The following PCDH15 variants were observed in gnomAD, a reference collection of about 807,000 sequenced individuals.
PCDH15 encodes protocadherin-15.
PCDH15 carries 129 observed loss-of-function variants against 178.5 expected under a neutral mutation model. The ratio of observed to expected loss-of-function variants is 0.72; its 90% CI spans 0.63 to 0.84. The LOEUF is 0.84. Among genes scored for constraint, PCDH15 ranks in the 40% least tolerant of loss-of-function variants. PCDH15 has a pLI of 0.00. For synonymous variants in PCDH15, 800 were observed against 732.0 expected, an observed-to-expected ratio of 1.09 and a Z score of -1.50; for missense variants, 2,230 against 2,099.9, an observed-to-expected ratio of 1.06 and a Z score of -1.21.
At chr10:55,306,049 A>G (rs531538108) in intron 1 of PCDH15, among the ~76,000 whole-genome samples, 1 of 152,356 alleles carries the variant, frequency 6.6e-6, no homozygotes, top group East Asian at 1.9e-4. Flanking sequence ...TTTACCAATA[A>G]AATGGCAATC....
chr10:54,123,276 C>T (rs2041711027), intron 15 of PCDH15, among the ~76,000 whole-genome samples: 1 of 152,004 alleles, frequency 6.6e-6, no homozygotes, highest in South Asian at 2.1e-4. Context: ...ACGCATCCAA[C>T]AAATGTCTTA....
chr10:54,213,032 C>T (rs1252369080), intron 10 of PCDH15, among the ~76,000 whole-genome samples: 1 of 152,174 alleles, frequency 6.6e-6, no homozygotes, highest in Non-Finnish European at 1.5e-5. Flanking sequence ...CCCTACCTTA[C>T]TTCCTTTTCC....
intron 21 of PCDH15, among the ~76,000 whole-genome samples, chr10:53,991,560 A>G (rs997176230): frequency 2.7e-5 from 4 of 150,858 alleles, no homozygotes; most frequent in African/African-American, 9.8e-5. Flanking sequence ...TAGCTCATCT[A>G]GTGGGGACTT....
At chr10:55,561,351 T>C (rs1842194915) in intron 2 of PCDH15, among the ~76,000 whole-genome samples, 1 of 151,906 alleles carries the variant, frequency 6.6e-6, no homozygotes, top group Admixed American at 6.6e-5. Flanking sequence ...GTTTTTCTAC[T>C]ATCACAGCAA....
intron 13 of PCDH15, among the ~76,000 whole-genome samples, chr10:54,163,223 G>A (rs1310101714): frequency 1.3e-5 from 2 of 152,082 alleles, no homozygotes; most frequent in Non-Finnish European, 2.9e-5. Context: ...TAGAGGAAAT[G>A]TATCAGTCTA....
At chr10:54,928,170 A>G (rs1486228638) in intron 2 of PCDH15, among the ~76,000 whole-genome samples, 3 of 152,148 alleles carry the variant, frequency 2.0e-5, no homozygotes, top group East Asian at 1.9e-4. Context: ...GTTCAAAAAT[A>G]TCTTATTTCT....
intron 2 of PCDH15, among the ~76,000 whole-genome samples, chr10:54,957,042 A>C (rs1019254174): frequency 1.3e-5 from 2 of 151,764 alleles, no homozygotes; most frequent in Non-Finnish European, 1.5e-5. Context: ...CTGAGTTATA[A>C]GACTGCTATT....
intron 25 of PCDH15, among the ~76,000 whole-genome samples, chr10:53,920,474 G>A (rs909754430): frequency 3.3e-5 from 5 of 151,408 alleles, no homozygotes; most frequent in African/African-American, 1.2e-4. Context: ...TCAAAATCAC[G>A]GGATGATAGA....
intron 3 of PCDH15, among the ~76,000 whole-genome samples, chr10:54,878,604 G>T (rs948077684): frequency 6.6e-6 from 1 of 152,038 alleles, no homozygotes; most frequent in Non-Finnish European, 1.5e-5. Flanking sequence ...AAATGGATAT[G>T]ATAATGGCAC....
chr10:54,678,746 A>G lies in PCDH15; in HGVS notation c.-28-14456T>C, dbSNP rs2094838413. On this transcript the variant is annotated intron_variant, in intron 1 of 37. Coordinates refer to ENST00000644397, the MANE Select transcript of PCDH15 (RefSeq NM_001384140.1). ...AAGTAGGAGGCATACATAATATTAT[A>G]TCTGTAATAAATGTAACTTTTTAAA... Among the ~76,000 whole-genome samples, 2 of 152,174 alleles carry G rather than the reference A, an allele frequency of 1.3e-5. 1 individual carries two copies. The highest frequency in any genetic ancestry group is 4.1e-4 in the South Asian group (2 of 4,830).
At chr10:54,427,091 G>A (rs185291186) in intron 3 of PCDH15, among the ~76,000 whole-genome samples, 1 of 151,484 alleles carries the variant, frequency 6.6e-6, no homozygotes, top group Admixed American at 6.6e-5. Flanking sequence ...TTTTTGTGAA[G>A]ATAGGCCTTT....
In PCDH15 at chr10:54,613,802, A is replaced by C. The variant is rs377198287; in HGVS notation, c.91+50370T>G. On this transcript the variant is annotated intron_variant, in intron 2 of 37. Transcript: ENST00000644397. ...AAAAATCAAAGTGGCAAATGGTTTC[A>C]TTGATTATTGTGAACTATCCGGCAC... 5.3e-5 allele frequency among the ~76,000 whole-genome samples: 8 copies of C among 151,918 alleles called. No individual in the cohort carries two copies. The East Asian group carries it at 1.6e-3, about 29-fold the overall frequency.
intron 2 of PCDH15, among the ~76,000 whole-genome samples, chr10:55,387,650 G>A (rs756452359): frequency 8.5e-5 from 13 of 152,058 alleles, no homozygotes; most frequent in Non-Finnish European, 1.3e-4. Context: ...CTATGGTTCA[G>A]TATCTAGGAA....
At chr10:54,379,842 A>C (rs1948963891) in intron 3 of PCDH15, among the ~76,000 whole-genome samples, 1 of 152,110 alleles carries the variant, frequency 6.6e-6, no homozygotes, top group South Asian at 2.1e-4. Flanking sequence ...TGGCTATGCA[A>C]GTAAAATGTA....
At chr10:54,602,064 TG>T (rs1205387526) in intron 2 of PCDH15, among the ~76,000 whole-genome samples, 1 of 151,816 alleles carries the variant, frequency 6.6e-6, no homozygotes, top group Non-Finnish European at 1.5e-5. Context: ...TTAAACATTC[TG>T]AATATCAAAC....
At chr10:54,850,499 C>T (rs1450356436) in intron 3 of PCDH15, among the ~76,000 whole-genome samples, 4 of 152,050 alleles carry the variant, frequency 2.6e-5, no homozygotes, top group African/African-American at 9.7e-5. Context: ...CTTTTGCATC[C>T]TTATAGCTTA....
chr10:55,494,668 A>G (rs1013964936), intron 2 of PCDH15, among the ~76,000 whole-genome samples: 7 of 151,720 alleles, frequency 4.6e-5, no homozygotes, highest in Non-Finnish European at 8.8e-5. Flanking sequence ...CCTCAGATTT[A>G]CAGTGATTGA....
At chr10:54,036,884 T>C (rs1442540043) in intron 18 of PCDH15, among the ~76,000 whole-genome samples, 1 of 151,972 alleles carries the variant, frequency 6.6e-6, no homozygotes, top group African/African-American at 2.4e-5. Context: ...CATTTTTGAT[T>C]CATGGAAGGA....
At chr10:54,857,730 G>T (rs974331374) in intron 3 of PCDH15, among the ~76,000 whole-genome samples, 1 of 151,960 alleles carries the variant, frequency 6.6e-6, no homozygotes, top group Non-Finnish European at 1.5e-5. Flanking sequence ...GGGATTACAG[G>T]CAAGAGCCAA....
Sources: gnomAD v4.1 joint callset for allele counts (sites outside exome capture counted in the v4.1 genomes callset) on GRCh38, gnomAD v4.1.1 for gene constraint, MANE v1.5 for transcripts, NCBI Gene and HGNC (gene_info 2026-07-23, HGNC 2026-07-21) for gene names.